Variants in GRID2 observed in about 807,000 individuals in gnomAD.
GRID2 encodes glutamate receptor ionotropic, delta-2.
A neutral mutation model predicts 114.8 loss-of-function variants in GRID2; 33 were observed. That is an observed-to-expected ratio of 0.29 (90% confidence interval 0.22 to 0.38). GRID2 has a LOEUF of 0.38. Among genes scored for constraint, GRID2 ranks in the 10% least tolerant of loss-of-function variants. The probability of loss-of-function intolerance (pLI) is 1.00; values close to 1 mark genes in which losing one functional copy is unlikely to be tolerated. For missense variants in GRID2, 1,184 were observed against 1,257.7 expected (o/e 0.94, Z 0.89); for synonymous variants, 505 against 449.9 (o/e 1.12, Z -1.55).
chr4:93,645,413 TGAGA>T (rs894799301), intron 14 of GRID2, among the ~76,000 whole-genome samples: 2 of 152,132 alleles, frequency 1.3e-5, no homozygotes, highest in African/African-American at 4.8e-5. Flanking sequence ...GGTGGGAATT[TGAGA>T]GAGAGGCTGG....
intron 13 of GRID2, among the ~76,000 whole-genome samples, chr4:93,564,382 T>C (rs1449852254): frequency 6.6e-6 from 1 of 152,004 alleles, no homozygotes; most frequent in Non-Finnish European, 1.5e-5. Context: ...TTCCATAGGT[T>C]CAGTGGTCTT....
chr4:93,605,425 A>G (rs939625634), intron 13 of GRID2, among the ~76,000 whole-genome samples: 4 of 152,110 alleles, frequency 2.6e-5, no homozygotes, highest in Non-Finnish European at 5.9e-5. Flanking sequence ...CTTAAACCAC[A>G]ATGGTTTACC....
chr4:92,504,482 G>T (rs1364738607), intron 1 of GRID2, among the ~76,000 whole-genome samples: 1 of 152,042 alleles, frequency 6.6e-6, no homozygotes, highest in Non-Finnish European at 1.5e-5. Context: ...GACTCCAGAA[G>T]AGAATGGACC....
At chr4:93,575,822 T>A (rs1354392925) in intron 13 of GRID2, among the ~76,000 whole-genome samples, 1 of 152,140 alleles carries the variant, frequency 6.6e-6, no homozygotes, top group African/African-American at 2.4e-5. Flanking sequence ...TTTTACAGCC[T>A]CAAAATTTGG....
intron 2 of GRID2, among the ~76,000 whole-genome samples, chr4:92,770,171 C>T (rs1249728376): frequency 6.6e-6 from 1 of 152,190 alleles, no homozygotes; most frequent in Non-Finnish European, 1.5e-5. Flanking sequence ...CTCCAGAAAT[C>T]TCTAAGGCAG....
chr4:93,689,168 T>G (rs1018910868), intron 14 of GRID2, among the ~76,000 whole-genome samples: 9 of 152,124 alleles, frequency 5.9e-5, no homozygotes, highest in Middle Eastern at 3.4e-3. Context: ...AAACCAACCC[T>G]GCTGACACCT....
intron 13 of GRID2, among the ~76,000 whole-genome samples, chr4:93,568,102 T>A (rs1735604996): frequency 6.6e-6 from 1 of 152,190 alleles, no homozygotes; most frequent in African/African-American, 2.4e-5. Flanking sequence ...TGGGACAACA[T>A]ACCTAACCTC....
rs947012329 is a variant in GRID2 at position 92,920,780 on chromosome 4, A to T, written c.245-164215A>T. Among the ~76,000 whole-genome samples the T allele has an allele frequency of 2.6e-5, 4 of 151,954 alleles. No individual in the cohort carries two copies. The South Asian group carries it at 8.3e-4, about 32-fold the overall frequency. ...ACCTTTCTCTCTGGCTACCCTTAAC[A>T]TTTTTTCCTTCATTTTAATTTTGGT... On this transcript the variant is annotated intron_variant, in intron 2 of 15. Transcript: ENST00000282020.
chr4:92,795,153 G>GGA (rs1438143363), intron 2 of GRID2, among the ~76,000 whole-genome samples: 1 of 151,410 alleles, frequency 6.6e-6, no homozygotes, highest in Non-Finnish European at 1.5e-5. Context: ...AGGTGGAAGG[G>GGA]GAGGCAGGAG....
intron 13 of GRID2, among the ~76,000 whole-genome samples, chr4:93,592,966 G>T (rs1442329061): frequency 1.3e-5 from 2 of 151,026 alleles, no homozygotes; most frequent in Non-Finnish European, 3.0e-5. Context: ...CACGTGAGAT[G>T]GGTTTCCTGA....
At chr4:92,620,402 G>A (rs1460066740) in intron 2 of GRID2, among the ~76,000 whole-genome samples, 2 of 151,700 alleles carry the variant, frequency 1.3e-5, no homozygotes, top group African/African-American at 4.8e-5. Context: ...AAAAAAGTAA[G>A]CTACTATGAA....
chr4:93,144,442 C>G (rs1736023244), intron 4 of GRID2, among the ~76,000 whole-genome samples: 1 of 152,154 alleles, frequency 6.6e-6, no homozygotes, highest in African/African-American at 2.4e-5. Context: ...ACACCAAATC[C>G]TGTGCTTAAC....
At chr4:93,014,379 A>G (rs1461329474) in intron 2 of GRID2, among the ~76,000 whole-genome samples, 2 of 152,090 alleles carry the variant, frequency 1.3e-5, no homozygotes, top group Non-Finnish European at 2.9e-5. Context: ...GGAAATGTAC[A>G]CAGATAATAA....
At chr4:92,633,644 G>A (rs1730920163) in intron 2 of GRID2, among the ~76,000 whole-genome samples, 2 of 152,104 alleles carry the variant, frequency 1.3e-5, no homozygotes, top group Non-Finnish European at 2.9e-5. Flanking sequence ...CAGGTTTGAG[G>A]TTTTGAAGAG....
At chr4:92,807,187 A>G (rs1740461006) in intron 2 of GRID2, among the ~76,000 whole-genome samples, 1 of 151,998 alleles carries the variant, frequency 6.6e-6, no homozygotes, top group Non-Finnish European at 1.5e-5. Context: ...GATCATTTCA[A>G]CAATGTGAGT....
At chr4:92,985,247 G>A (rs1416924965) in intron 2 of GRID2, among the ~76,000 whole-genome samples, 2 of 144,398 alleles carry the variant, frequency 1.4e-5, no homozygotes, top group Non-Finnish European at 3.0e-5. Context: ...TTTTTGAGAC[G>A]GAGTCTCGCT....
At chr4:92,798,080 A>AT (rs1022508566) in intron 2 of GRID2, among the ~76,000 whole-genome samples, 7 of 152,028 alleles carry the variant, frequency 4.6e-5, no homozygotes, top group African/African-American at 1.7e-4. Context: ...TCTTTAAAAA[A>AT]GGGGGGGTTA....
intron 1 of GRID2, among the ~76,000 whole-genome samples, chr4:92,572,152 G>T (rs1161433670): frequency 3.3e-5 from 5 of 151,614 alleles, no homozygotes; most frequent in African/African-American, 1.2e-4. Flanking sequence ...TAATAAAGAA[G>T]AAAAAAGAGA....
At chr4:93,804,382 G>T (rs1734992292) in intron 1 of GRID2, among the ~76,000 whole-genome samples, 1 of 152,004 alleles carries the variant, frequency 6.6e-6, no homozygotes, top group Non-Finnish European at 1.5e-5. Flanking sequence ...TACACGCCTA[G>T]GTTATATAAT....
Sources: allele counts gnomAD v4.1 joint callset (sites outside exome capture counted in the v4.1 genomes callset), GRCh38; gene constraint gnomAD v4.1.1; transcripts MANE v1.5; gene names NCBI Gene and HGNC (gene_info 2026-07-23, HGNC 2026-07-21).